The following UCMA variants were observed in gnomAD, a reference collection of about 807,000 sequenced individuals.
UCMA encodes the protein upper zone of growth plate and cartilage matrix-associated protein.
Under a neutral mutation model 21.8 loss-of-function variants are expected in UCMA, and 21 were observed. The ratio of observed to expected loss-of-function variants is 0.97; its 90% CI spans 0.68 to 1.39. The LOEUF (loss-of-function observed/expected upper bound fraction) is 1.39. Among genes scored for constraint, UCMA ranks in the 40% most tolerant of loss-of-function variants. The pLI is 0.00. For synonymous variants in UCMA, 76 were observed against 67.9 expected, an observed-to-expected ratio of 1.12 and a Z score of -0.58; for missense variants, 193 against 178.9, an observed-to-expected ratio of 1.08 and a Z score of -0.45.
intron 4 of UCMA, among the ~76,000 whole-genome samples, chr10:13,229,255 C>G (rs1451142953): frequency 6.6e-6 from 1 of 152,048 alleles, no homozygotes; most frequent in Non-Finnish European, 1.5e-5. Flanking sequence ...TTTCAAGGCT[C>G]TCCTGGATAT....
chr10:13,225,193 A>G (rs1444644200), intron 4 of UCMA, among the ~76,000 whole-genome samples: 1 of 152,088 alleles, frequency 6.6e-6, no homozygotes, highest in African/African-American at 2.4e-5. Context: ...TGCTGGGACT[A>G]CAGGCATGCA....
intron 4 of UCMA, among the ~76,000 whole-genome samples, chr10:13,227,989 C>G (rs1278188911): frequency 6.6e-6 from 1 of 151,996 alleles, no homozygotes; most frequent in Non-Finnish European, 1.5e-5. Context: ...GACAGGAACC[C>G]TGTCTGCCAA....
At chr10:13,227,743 TACACACACAC>T (rs55831241) in intron 4 of UCMA, among the ~76,000 whole-genome samples, 1,712 of 110,672 alleles carry the variant, frequency 0.015, 41 homozygotes, top group African/African-American at 0.053. Context: ...GGAAAGGAAA[TACACACACAC>T]ACACACACAC....
chr10:13,227,068 G>A (rs1396446179), intron 4 of UCMA, among the ~76,000 whole-genome samples: 1 of 152,084 alleles, frequency 6.6e-6, no homozygotes, highest in Admixed American at 6.6e-5. Context: ...GCAGAAGTGT[G>A]TGCTTCCAAG....
At chr10:13,222,323 G>C (rs1180497901) in intron 4 of UCMA, 123 bp from the exon 5 acceptor site, 20 of 810,210 alleles carry the variant, frequency 2.5e-5, no homozygotes, top group Non-Finnish European at 3.8e-5. Context: ...TGTGAGCCCT[G>C]GTGAGAGAAG....
At chr10:13,222,238 G>T in intron 4 of UCMA, 38 bp from the exon 5 acceptor site, 1 of 1,580,934 alleles carries the variant, frequency 6.3e-7, no homozygotes, top group Non-Finnish European at 8.7e-7. Flanking sequence ...TAGGACAGGG[G>T]GACTCTGACC....
At chr10:13,228,957 T>C (rs943500602) in intron 4 of UCMA, among the ~76,000 whole-genome samples, 8 of 152,060 alleles carry the variant, frequency 5.3e-5, no homozygotes, top group Non-Finnish European at 1.2e-4. Context: ...TTTTTTGATA[T>C]GGAGTTTCAC....
chr10:13,229,886 TG>T lies in UCMA; in HGVS notation c.221-178del, dbSNP rs576230237. Reference sequence around the variant, plus strand: ...TACTCCTGACACAGACTTTAAAACTTGAAGGTGATTATCTGATCCAGCTGCC... The same window carrying T: ...TACTCCTGACACAGACTTTAAAACTTAAGGTGATTATCTGATCCAGCTGCC... On this transcript the variant is annotated intron_variant, in intron 3 of 4. Coordinates refer to ENST00000378681, the MANE Select transcript of UCMA (RefSeq NM_145314.3). Among the ~76,000 whole-genome samples the T allele has an allele frequency of 7.2e-5, 11 of 152,016 alleles. No homozygotes were observed. The South Asian group carries it at 2.3e-3, about 32-fold the overall frequency.
At chr10:13,227,214 G>A (rs1015494881) in intron 4 of UCMA, among the ~76,000 whole-genome samples, 7 of 152,202 alleles carry the variant, frequency 4.6e-5, no homozygotes, top group African/African-American at 1.7e-4. Context: ...ACCTGACCCA[G>A]GGGTGGTTTC....
chr10:13,229,262 A>T (rs971779179), intron 4 of UCMA, among the ~76,000 whole-genome samples: 2 of 152,010 alleles, frequency 1.3e-5, no homozygotes, highest in African/African-American at 4.8e-5. Context: ...GCTCTCCTGG[A>T]TATGAATTGA....
chr10:13,234,017 T>A (rs182670188), intron 1 of UCMA, among the ~76,000 whole-genome samples, 184 bp downstream of exon 1: 69 of 152,026 alleles, frequency 4.5e-4, no homozygotes, highest in South Asian at 1.0e-3. Context: ...TTTACTGTTT[T>A]TTATTATTAT....
intron 4 of UCMA, among the ~76,000 whole-genome samples, chr10:13,225,157 G>A (rs1359440357): frequency 6.6e-6 from 1 of 152,004 alleles, no homozygotes; most frequent in African/African-American, 2.4e-5. Context: ...GGACTCAAGT[G>A]ATTCTTCAGC....
At chr10:13,233,319 C>G (rs576136960) in intron 3 of UCMA, among the ~76,000 whole-genome samples, 28 of 151,932 alleles carry the variant, frequency 1.8e-4, no homozygotes, top group African/African-American at 6.3e-4. Flanking sequence ...AGAGGTGGGG[C>G]CTCCTAACCC....
At chr10:13,222,352 C>A (rs1834769406) in intron 4 of UCMA, 152 bp from the exon 5 acceptor site, 1 of 685,230 alleles carries the variant, frequency 1.5e-6, no homozygotes, top group Non-Finnish European at 2.5e-6. Flanking sequence ...TGGTGAGGAT[C>A]CAGAGTATGT....
intron 4 of UCMA, among the ~76,000 whole-genome samples, chr10:13,224,912 C>A (rs768410044): frequency 6.6e-6 from 1 of 152,172 alleles, no homozygotes; most frequent in Non-Finnish European, 1.5e-5. Context: ...CCAGGGGCAG[C>A]CTGGAGCTCA....
chr10:13,232,497 C>A lies in UCMA; in HGVS notation c.220+1041G>T, dbSNP rs188419261. 4.6e-5 allele frequency among the ~76,000 whole-genome samples: 7 copies of A among 152,192 alleles called. No homozygotes were observed. In the South Asian group the frequency reaches 8.3e-4, roughly 18 times the overall value. On this transcript the variant is annotated intron_variant, in intron 3 of 4. Coordinates refer to ENST00000378681, the MANE Select transcript of UCMA (RefSeq NM_145314.3). ...TTTTAATCAAAAACAGTCCAGCCCC[C>A]CTCCCAACCTTTCAGTGCTTCTTGA...
chr10:13,226,139 T>G (rs575806103), intron 4 of UCMA, among the ~76,000 whole-genome samples: 39 of 152,250 alleles, frequency 2.6e-4, no homozygotes, highest in Admixed American at 1.7e-3. Flanking sequence ...TCTACTAGCC[T>G]CGTCTCCTTG....
intron 4 of UCMA, among the ~76,000 whole-genome samples, chr10:13,224,940 C>T (rs1423385981): frequency 6.6e-6 from 1 of 152,178 alleles, no homozygotes; most frequent in Non-Finnish European, 1.5e-5. Context: ...AGGCCCAGGC[C>T]GGAGCTTTGT....
At chr10:13,230,038 T>G (rs181737762) in intron 3 of UCMA, among the ~76,000 whole-genome samples, 1 of 152,274 alleles carries the variant, frequency 6.6e-6, no homozygotes, top group Non-Finnish European at 1.5e-5. Context: ...CAGAAACAAA[T>G]TCCCTAAAGG....
Sources: allele counts gnomAD v4.1 joint callset (sites outside exome capture counted in the v4.1 genomes callset), GRCh38; gene constraint gnomAD v4.1.1; transcripts MANE v1.5; gene names NCBI Gene and HGNC (gene_info 2026-07-23, HGNC 2026-07-21).